Variants in GLIS3 observed in about 807,000 individuals in gnomAD.
GLIS3 encodes the protein GLIS family zinc finger 3, also known as zinc finger protein GLIS3.
Under a neutral mutation model 78.6 loss-of-function variants are expected in GLIS3, and 53 were observed. That is an observed-to-expected ratio of 0.67 (90% CI 0.54 to 0.85). The LOEUF is 0.85. GLIS3 is among the 40% of genes least tolerant of loss of function. The probability of loss-of-function intolerance (pLI) is 0.00; values close to 1 mark genes in which losing one functional copy is unlikely to be tolerated. For synonymous variants in GLIS3, 684 were observed against 509.9 expected, an observed-to-expected ratio of 1.34 and a Z score of -4.60; for missense variants, 1,703 against 1,231.1, an observed-to-expected ratio of 1.38 and a Z score of -5.74.
chr9:4,226,876 T>A (rs1821815013), intron 2 of GLIS3, among the ~76,000 whole-genome samples: 1 of 152,144 alleles, frequency 6.6e-6, no homozygotes. Flanking sequence ...TATTAATTAG[T>A]TTGGAGTAAA....
At chr9:3,979,720 AG>A (rs1274544495) in intron 4 of GLIS3, among the ~76,000 whole-genome samples, 2 of 152,210 alleles carry the variant, frequency 1.3e-5, no homozygotes, top group Non-Finnish European at 2.9e-5. Context: ...AGACTATCAC[AG>A]TAGGATCCAC....
chr9:3,950,463 C>G (rs981866015), intron 4 of GLIS3, among the ~76,000 whole-genome samples: 1 of 152,252 alleles, frequency 6.6e-6, no homozygotes, highest in African/African-American at 2.4e-5. Context: ...CTTCACCTCT[C>G]CTCCCCTTCC....
At position 3,953,789 on chromosome 9, in the gene GLIS3, CTCTCTCTATA is replaced by C. The variant is rs760527857; in HGVS notation, c.1711-16610_1711-16601del. Among the ~76,000 whole-genome samples, 297 of 45,458 alleles carry C rather than the reference CTCTCTCTATA, an allele frequency of 6.5e-3. 1 individual carries two copies. Among genetic ancestry groups the C allele is most frequent in the African/African-American group, 0.019 (249 of 12,916 alleles). 29.8% of individuals were successfully genotyped at this position (45,458 alleles called of 152,430 possible). On this transcript the variant is annotated intron_variant, in intron 4 of 10. Coordinates refer to ENST00000381971, the MANE Select transcript of GLIS3 (RefSeq NM_001042413.2). ...TCTCTCTCTCTCTCTCTCTCTCTCT[CTCTCTCTATA>C]TATATATATATATATATATATATCT...
intron 4 of GLIS3, among the ~76,000 whole-genome samples, chr9:4,036,846 T>C (rs1174286786): frequency 6.6e-6 from 1 of 152,150 alleles, no homozygotes; most frequent in Non-Finnish European, 1.5e-5. Context: ...AATCCCTCCC[T>C]ACTCCTTGCG....
Position 4,118,509 on chromosome 9 carries a change from C to A in GLIS3, c.969G>T (p.Ser323=), listed in dbSNP as rs201431173. The A allele has an allele frequency of 1.2e-6, 2 of 1,614,172 alleles. No homozygotes were observed. Among genetic ancestry groups the A allele is most frequent in the Non-Finnish European group, 1.7e-6 (2 of 1,180,034 alleles). Residue 323 remains serine, a synonymous_variant, in exon 4 of 11, where the codon TCG becomes TCT. Transcript: ENST00000381971. The surrounding 1 kb of genome is among the most constrained non-coding windows in gnomAD (Gnocchi z 4.7). ...GIDFNTIIRT[S]PTSLVAYING... ...TGATGTAGGCCACCAAGGACGTGGGCGACGTGCGGATGATGGTATTGAAAT... is the reference window on the plus strand; with the variant it reads ...TGATGTAGGCCACCAAGGACGTGGGAGACGTGCGGATGATGGTATTGAAAT...
At chr9:4,149,765 G>A (rs1318514219) in intron 2 of GLIS3, among the ~76,000 whole-genome samples, 1 of 152,260 alleles carries the variant, frequency 6.6e-6, no homozygotes, top group East Asian at 1.9e-4. Context: ...AGGAGCAGGT[G>A]AAACAGAGAT....
At chr9:4,326,249 T>C (rs926622897) in intron 2 of GLIS3, among the ~76,000 whole-genome samples, 1 of 152,148 alleles carries the variant, frequency 6.6e-6, no homozygotes, top group Admixed American at 6.5e-5. Flanking sequence ...GAAAAATATA[T>C]ACACCAATGT....
intron 7 of GLIS3, among the ~76,000 whole-genome samples, chr9:3,891,770 C>T (rs1588162569): frequency 6.6e-6 from 1 of 151,002 alleles, no homozygotes; most frequent in African/African-American, 2.5e-5. Flanking sequence ...CTGCCTTAGT[C>T]CTCCAGAACT....
chr9:4,318,243 C>G (rs1282522299), intron 2 of GLIS3, among the ~76,000 whole-genome samples: 1 of 152,040 alleles, frequency 6.6e-6, no homozygotes, highest in East Asian at 1.9e-4. Context: ...GATGGGAATT[C>G]GAGGGGCCAG....
At chr9:4,340,025 T>C (rs909066408) in intron 2 of GLIS3, among the ~76,000 whole-genome samples, 2 of 151,774 alleles carry the variant, frequency 1.3e-5, no homozygotes, top group African/African-American at 4.8e-5. Flanking sequence ...CAACATTTAA[T>C]ACCAGCTGAC....
intron 7 of GLIS3, among the ~76,000 whole-genome samples, chr9:3,882,068 C>T (rs759613261): frequency 6.6e-6 from 1 of 152,212 alleles, no homozygotes; most frequent in East Asian, 1.9e-4. Flanking sequence ...CTTCTCTTAG[C>T]GGGCAATTAT....
At chr9:4,075,184 A>G (rs1361938570) in intron 4 of GLIS3, among the ~76,000 whole-genome samples, 2 of 152,188 alleles carry the variant, frequency 1.3e-5, no homozygotes, top group Non-Finnish European at 2.9e-5. Context: ...GAGTGTATGC[A>G]TATGTCCAAC....
chr9:4,053,334 A>G (rs547108212), intron 4 of GLIS3, among the ~76,000 whole-genome samples: 4 of 152,272 alleles, frequency 2.6e-5, no homozygotes, highest in African/African-American at 7.2e-5. Flanking sequence ...ATCCAGGCCC[A>G]GCTCACTGAC....
chr9:4,304,140 G>A (rs1817165954), upstream of GLIS3, among the ~76,000 whole-genome samples: 1 of 152,196 alleles, frequency 6.6e-6, no homozygotes, highest in Admixed American at 6.6e-5. Context: ...GATGATAAAT[G>A]ACACAACTCA....
intron 4 of GLIS3, among the ~76,000 whole-genome samples, chr9:4,091,870 C>G (rs1829535537): frequency 1.3e-5 from 2 of 151,982 alleles, no homozygotes; most frequent in Non-Finnish European, 2.9e-5. Context: ...TAAACATATC[C>G]AAACATACTA....
the GLIS3 span, among the ~76,000 whole-genome samples, chr9:4,358,040 CA>C: frequency 6.6e-6 from 1 of 152,150 alleles, no homozygotes; most frequent in African/African-American, 2.4e-5. Context: ...CTAATAAGAA[CA>C]GATGCCCAAG....
At chr9:4,482,709 A>T in the GLIS3 span, among the ~76,000 whole-genome samples, 2 of 152,192 alleles carry the variant, frequency 1.3e-5, no homozygotes, top group African/African-American at 2.4e-5. Flanking sequence ...TGGTCTGTTG[A>T]TGTAACTTTT....
chr9:4,129,082 A>C (rs1832775617), intron 2 of GLIS3, among the ~76,000 whole-genome samples: 1 of 152,210 alleles, frequency 6.6e-6, no homozygotes, highest in Non-Finnish European at 1.5e-5. Flanking sequence ...CATCTGTCTC[A>C]CACATGCAGG....
upstream of GLIS3, among the ~76,000 whole-genome samples, chr9:4,352,914 A>G (rs1467766852): frequency 1.3e-5 from 2 of 152,212 alleles, no homozygotes; most frequent in Non-Finnish European, 2.9e-5. Flanking sequence ...CCAGTTTTCT[A>G]TACATTTAGT....
Sources: allele counts gnomAD v4.1 joint callset (sites outside exome capture counted in the v4.1 genomes callset), GRCh38; gene constraint gnomAD v4.1.1; non-coding constraint Gnocchi (gnomAD v3.1); transcripts MANE v1.5; gene names NCBI Gene and HGNC (gene_info 2026-07-23, HGNC 2026-07-21).